P3H1: variants seen among roughly 807,000 people sequenced by gnomAD.
The protein encoded by P3H1 is prolyl 3-hydroxylase 1.
A neutral mutation model predicts 84.0 loss-of-function variants in P3H1; 69 were observed. The observed-to-expected ratio is 0.82, with a 90% confidence interval of 0.68 to 1.00. The LOEUF is 1.00. Among genes scored for constraint, P3H1 ranks in the 50% least tolerant of loss-of-function variants. The pLI, the probability that P3H1 is intolerant of heterozygous loss-of-function variation, is 0.00. For missense variants in P3H1, 878 were observed against 962.8 expected (o/e 0.91, Z 1.17); for synonymous variants, 366 against 388.8 (o/e 0.94, Z 0.69).
At position 42,754,741 on chromosome 1, in the gene P3H1, G is replaced by C; in HGVS notation, c.1345+128C>G. The C allele has an allele frequency of 1.7e-6, 2 of 1,206,326 alleles. No homozygotes were observed. Among genetic ancestry groups the C allele is most frequent in the Non-Finnish European group, 2.4e-6 (2 of 825,874 alleles). 74.7% of individuals were successfully genotyped at this position (1,206,326 alleles called of 1,614,324 possible). A position where few individuals can be genotyped will look rare whatever the true frequency, so the allele number is the denominator to read the frequency against. ...GTTAGGAAGGATGTCCACTGAACTT[G>C]CACCCTAAGGGTGGCTGGCTCATGG... On this transcript the variant is annotated intron_variant, in intron 8 of 14. Transcript: ENST00000296388. This position sits in a 1 kb window ranked among gnomAD's most constrained non-coding sequence, Gnocchi z 4.0.
intron 5 of P3H1, among the ~76,000 whole-genome samples, chr1:42,756,187 G>C (rs1316873131): frequency 6.6e-6 from 1 of 152,136 alleles, no homozygotes; most frequent in Non-Finnish European, 1.5e-5. Flanking sequence ...TCAAACCCAG[G>C]TCTTCTGTTA....
At chr1:42,755,141 A>G (rs1652323626) in intron 7 of P3H1, 24 bp downstream of exon 7, 2 of 1,612,876 alleles carry the variant, frequency 1.2e-6, no homozygotes, top group South Asian at 1.1e-5. Context: ...TGATCCAACC[A>G]TGCAGTTTCT....
intron 1 of P3H1, among the ~76,000 whole-genome samples, chr1:42,763,374 A>C (rs1652816559): frequency 6.6e-6 from 1 of 152,026 alleles, no homozygotes. Context: ...AATAGCTCTA[A>C]GAAATCTGAG....
Position 42,754,199 on chromosome 1 carries a change from A to C in P3H1, c.1345+670T>G, listed in dbSNP as rs1433632958. Reference sequence around the variant, plus strand: ...GTGTGGGCAGGGGCAAGGACAGGCCAGACGGGGAAAGGGTGGGTGCAGATA... The same window carrying C: ...GTGTGGGCAGGGGCAAGGACAGGCCCGACGGGGAAAGGGTGGGTGCAGATA... On this transcript the variant is annotated intron_variant, in intron 8 of 14. Transcript: ENST00000296388. The surrounding 1 kb of genome is among the most constrained non-coding windows in gnomAD (Gnocchi z 4.0). Among the ~76,000 whole-genome samples the C allele has an allele frequency of 2.0e-5, 3 of 152,200 alleles. No individual in the cohort carries two copies. Among genetic ancestry groups the C allele is most frequent in the East Asian group, 3.9e-4 (2 of 5,188 alleles).
intron 10 of P3H1, among the ~76,000 whole-genome samples, chr1:42,751,004 C>T (rs1306310451): frequency 8.8e-6 from 1 of 113,406 alleles, no homozygotes; most frequent in African/African-American, 3.4e-5. Flanking sequence ...GGCGCTTCTG[C>T]CCGGCCGCCC....
intron 1 of P3H1, 110 bp from the exon 2 acceptor site, chr1:42,762,585 C>T: frequency 8.2e-7 from 1 of 1,213,728 alleles, no homozygotes. Context: ...CTGAGCCCTC[C>T]ACTCAGCGTG....
In P3H1 at chr1:42,759,259, A is replaced by G. The variant is rs775132034; in HGVS notation, c.750T>C (p.Tyr250=). 6.2e-7 allele frequency: 1 copy of G among 1,614,212 alleles called. No individual in the cohort carries two copies. The highest frequency in any genetic ancestry group is 1.3e-5 in the African/African-American group (1 of 75,058). The change falls in exon 3 of 15, where the codon TAT becomes TAC. Residue 250 remains tyrosine, a synonymous_variant. Coordinates refer to ENST00000296388, the MANE Select transcript of P3H1 (RefSeq NM_022356.4). The part of the protein sequence containing the change: ...EECRALCEGP[Y]DYDGYNYLEY... ...CAAGGTAGTTGTAGCCATCGTAGTC[A>G]TAGGGCCCTTCGCAGAGGGCACGGC...
At position 42,749,212 on chromosome 1, in the gene P3H1, C is replaced by T. The variant is rs143347323; in HGVS notation, c.1721-895G>A. Reference sequence around the variant, plus strand: ...GGCACCTGTGCTTGTGCTCTCCCACCGGGGGCTTGTGACACACCCAGTTGT... The same window carrying T: ...GGCACCTGTGCTTGTGCTCTCCCACTGGGGGCTTGTGACACACCCAGTTGT... On this transcript the variant is annotated intron_variant, in intron 11 of 14. Transcript: ENST00000296388. Among the ~76,000 whole-genome samples the T allele has an allele frequency of 2.0e-3, 304 of 152,378 alleles. 2 individuals carry two copies. The highest frequency in any genetic ancestry group is 0.01 in the Middle Eastern group (3 of 294).
intron 10 of P3H1, among the ~76,000 whole-genome samples, chr1:42,751,143 A>G (rs1029837385): frequency 1.0e-4 from 14 of 138,006 alleles, no homozygotes; most frequent in Admixed American, 2.2e-4. Flanking sequence ...AAGGGTGGGG[A>G]AAAAATTGAG....
chr1:42,750,676 C>A (rs1307343799), intron 10 of P3H1, among the ~76,000 whole-genome samples: 1 of 123,712 alleles, frequency 8.1e-6, no homozygotes, highest in African/African-American at 3.2e-5. Context: ...CCAGCCGCCC[C>A]GTCCGGGAGG....
chr1:42,763,762 T>G (rs1399274485), intron 1 of P3H1, among the ~76,000 whole-genome samples: 1 of 148,682 alleles, frequency 6.7e-6, no homozygotes, highest in Non-Finnish European at 1.5e-5. Flanking sequence ...GACTCCAGCA[T>G]GTCAAAGTAA....
chr1:42,747,394 A>C lies in P3H1; in HGVS notation c.1933T>G (p.Cys645Gly). The change falls in exon 14 of 15, where the codon TGT becomes GGT. Residue 645 changes from cysteine (C) to glycine (G), a missense_variant. Cys to Gly is a radical substitution (Grantham distance 159). Coordinates refer to ENST00000296388, the MANE Select transcript of P3H1 (RefSeq NM_022356.4). Reference protein sequence around the residue: ...KTVTAEVQPQCGRAVGFSSGT... With the variant: ...KTVTAEVQPQGGRAVGFSSGT... Reference sequence around the variant, plus strand: ...GAAGAGAATCCCACGGCTCTTCCACACTGAGGCTGCACCTCTGCCTAAGGG... The same window carrying C: ...GAAGAGAATCCCACGGCTCTTCCACCCTGAGGCTGCACCTCTGCCTAAGGG... 6.2e-7 allele frequency: 1 copy of C among 1,611,250 alleles called. No homozygotes were observed. Among genetic ancestry groups the C allele is most frequent in the Non-Finnish European group, 8.5e-7 (1 of 1,178,896 alleles).
At position 42,747,740 on chromosome 1, in the gene P3H1, C is replaced by G; in HGVS notation, c.1897G>C (p.Asp633His). Residue 633 changes from aspartate (D) to histidine (H), a missense_variant, in exon 13 of 15, where the codon GAT (aspartate) becomes CAT (histidine). Transcript: ENST00000296388. The stretch of plus-strand genomic sequence containing the variant: ...GCACTCACCGTCACGGTCTTGGCAT[C>G]CAGTTCAGTGAAATAAAAGTTTCCG... The part of the protein sequence containing the change: ...DGGNFYFTEL[D>H]AKTVTAEVQP... 1 of 1,614,150 alleles carries G rather than the reference C, an allele frequency of 6.2e-7. No individual in the cohort carries two copies. The highest frequency in any genetic ancestry group is 8.5e-7 in the Non-Finnish European group (1 of 1,180,028).
chr1:42,758,748 A>G (rs1652535860), intron 4 of P3H1, 104 bp downstream of exon 4: 1 of 1,385,784 alleles, frequency 7.2e-7, no homozygotes, highest in Non-Finnish European at 1.0e-6. Context: ...AGCTACTGAA[A>G]TAAGCCAAAC....
chr1:42,766,021 C>CCACA (rs200826653), intron 1 of P3H1, among the ~76,000 whole-genome samples: 3 of 141,336 alleles, frequency 2.1e-5, no homozygotes, highest in South Asian at 4.8e-4. Context: ...CCCCCCGCCC[C>CCACA]CACACACACA....
intron 12 of P3H1, 50 bp downstream of exon 12, chr1:42,748,150 C>T (rs748421409): frequency 7.4e-7 from 1 of 1,346,084 alleles, no homozygotes. Flanking sequence ...CACTGTGGGG[C>T]CTCTGAGGAG....
intron 10 of P3H1, among the ~76,000 whole-genome samples, chr1:42,752,047 G>C (rs1369216563): frequency 6.6e-6 from 1 of 152,172 alleles, no homozygotes; most frequent in Non-Finnish European, 1.5e-5. Context: ...CATAGCTTTG[G>C]CGAACAGTCT....
rs772500194 is a variant in P3H1, at chr1:42,755,553, C to A, written c.1165G>T (p.Asp389Tyr). The A allele has an allele frequency of 2.5e-6, 4 of 1,613,450 alleles. No homozygotes were observed. The highest frequency in any genetic ancestry group is 3.4e-6 in the Non-Finnish European group (4 of 1,179,456). Residue 389 changes from aspartate (D) to tyrosine (Y), a missense_variant, in exon 6 of 15, where the codon GAT becomes TAT. Coordinates refer to ENST00000296388, the MANE Select transcript of P3H1 (RefSeq NM_022356.4). The part of the protein sequence containing the change: ...AYDVFGIPFV[D>Y]PDSWTPEEVI... Reference sequence around the variant, plus strand: ...GCTCCTGTACCCTAGCTCACCGGATCCACAAAGGGAATTCCAAAAACATCA... The same window carrying A: ...GCTCCTGTACCCTAGCTCACCGGATACACAAAGGGAATTCCAAAAACATCA...
chr1:42,752,955 G>A (rs538342785), intron 8 of P3H1, among the ~76,000 whole-genome samples: 7 of 152,304 alleles, frequency 4.6e-5, no homozygotes, highest in African/African-American at 1.7e-4. Context: ...GCTCGGGAAC[G>A]AGGAAGAACT....
Sources: allele counts gnomAD v4.1 joint callset (sites outside exome capture counted in the v4.1 genomes callset), GRCh38; gene constraint gnomAD v4.1.1; non-coding constraint Gnocchi (gnomAD v3.1); transcripts MANE v1.5; gene names NCBI Gene and HGNC (gene_info 2026-07-23, HGNC 2026-07-21).